The following PPP1R12A variants were observed in gnomAD, a reference collection of about 807,000 sequenced individuals.
PPP1R12A encodes the protein protein phosphatase 1 regulatory subunit 12A.
In PPP1R12A, 19 loss-of-function variants were observed where a neutral mutation model predicts 139.6. That is an observed-to-expected ratio of 0.14 (90% confidence interval 0.09 to 0.20). The LOEUF (loss-of-function observed/expected upper bound fraction) is 0.20. Among genes scored for constraint, PPP1R12A ranks in the 10% least tolerant of loss-of-function variants. PPP1R12A has a pLI of 1.00. For synonymous variants in PPP1R12A, 427 were observed against 420.6 expected (o/e 1.02, Z -0.19); for missense variants, 925 against 1,211.5 (o/e 0.76, Z 3.51).
At chr12:79,903,276 C>T (rs1885806447) in intron 1 of PPP1R12A, among the ~76,000 whole-genome samples, 1 of 151,976 alleles carries the variant, frequency 6.6e-6, no homozygotes, top group African/African-American at 2.4e-5. Flanking sequence ...CATTGTGAAA[C>T]CCCATCTCTA....
At chr12:79,925,261 CGTGT>C (rs146017455) in intron 1 of PPP1R12A, among the ~76,000 whole-genome samples, 18 of 149,544 alleles carry the variant, frequency 1.2e-4, no homozygotes, top group Non-Finnish European at 2.2e-4. Flanking sequence ...CATACGTGTA[CGTGT>C]GTGTGTGTGT....
chr12:79,778,734 G>A (rs1053212038), intron 23 of PPP1R12A, 134 bp from the exon 24 acceptor site: 1 of 504,848 alleles, frequency 2.0e-6, no homozygotes, highest in African/African-American at 1.9e-5. Context: ...TGATGCCAGT[G>A]ATATGTAAAG....
chr12:79,884,608 A>C (rs955486434), intron 1 of PPP1R12A, among the ~76,000 whole-genome samples: 1 of 152,154 alleles, frequency 6.6e-6, no homozygotes, highest in Non-Finnish European at 1.5e-5. Context: ...GAAAAACAAG[A>C]CTTGCTGACT....
At chr12:79,848,790 A>C (rs1019899589) in intron 2 of PPP1R12A, 1 of 152,142 alleles carries the variant, frequency 6.6e-6, no homozygotes, top group Non-Finnish European at 1.5e-5. Context: ...AATCTCACGG[A>C]CTGATTAATC....
intron 2 of PPP1R12A, among the ~76,000 whole-genome samples, chr12:79,857,391 A>G (rs867759623): frequency 8.4e-5 from 12 of 143,572 alleles, no homozygotes; most frequent in African/African-American, 3.0e-4. Context: ...ATGAGAACAT[A>G]TGGACACAGG....
chr12:79,914,872 C>T (rs1393948326), intron 1 of PPP1R12A, among the ~76,000 whole-genome samples: 1 of 151,748 alleles, frequency 6.6e-6, no homozygotes, highest in Non-Finnish European at 1.5e-5. Context: ...AAAAAAAAAT[C>T]TGGATTTGTT....
At chr12:79,810,844 T>C (rs1874436899) in intron 9 of PPP1R12A, among the ~76,000 whole-genome samples, 2 of 152,126 alleles carry the variant, frequency 1.3e-5, no homozygotes, top group African/African-American at 4.8e-5. Flanking sequence ...TCCAATATAA[T>C]CAACAAAAAC....
chr12:79,867,465 T>C (rs1882095938), intron 2 of PPP1R12A, among the ~76,000 whole-genome samples: 1 of 151,464 alleles, frequency 6.6e-6, no homozygotes, highest in Admixed American at 6.6e-5. Context: ...CTTAAAAGTA[T>C]AATACAAATA....
At chr12:79,830,936 G>C (rs1391741883) in intron 4 of PPP1R12A, among the ~76,000 whole-genome samples, 1 of 152,104 alleles carries the variant, frequency 6.6e-6, no homozygotes, top group Non-Finnish European at 1.5e-5. Flanking sequence ...AAGAATCTAT[G>C]TACTAAGTTA....
chr12:79,887,907 T>C (rs1884252104), intron 1 of PPP1R12A, among the ~76,000 whole-genome samples: 1 of 152,180 alleles, frequency 6.6e-6, no homozygotes, highest in South Asian at 2.1e-4. Flanking sequence ...GTCACTGAGT[T>C]ATTTCCCAAA....
intron 2 of PPP1R12A, among the ~76,000 whole-genome samples, chr12:79,847,168 T>G (rs760468156): frequency 1.3e-5 from 2 of 152,206 alleles, no homozygotes; most frequent in Non-Finnish European, 2.9e-5. Flanking sequence ...CATAAATTTA[T>G]ATGTGTGTAA....
intron 3 of PPP1R12A, among the ~76,000 whole-genome samples, chr12:79,833,333 T>C (rs1046518274): frequency 6.6e-6 from 1 of 151,980 alleles, no homozygotes; most frequent in Non-Finnish European, 1.5e-5. Flanking sequence ...TTCAAAGAGC[T>C]CAACACCTTG....
intron 19 of PPP1R12A, among the ~76,000 whole-genome samples, chr12:79,791,279 A>G (rs1871817733): frequency 6.6e-6 from 1 of 152,224 alleles, no homozygotes; most frequent in African/African-American, 2.4e-5. Flanking sequence ...AAGTCTAGTG[A>G]GAAATCACTC....
In PPP1R12A at chr12:79,781,822, T is replaced by C. The variant is rs1870484518; in HGVS notation, c.2948A>G (p.Glu983Gly). 1 of 1,531,508 alleles carries C rather than the reference T, an allele frequency of 6.5e-7. No homozygotes were observed. Among genetic ancestry groups the C allele is most frequent in the Non-Finnish European group, 8.8e-7 (1 of 1,132,796 alleles). The allele number at this position is 1,531,508 out of a possible 1,614,324, so 94.9% of individuals were successfully genotyped here. A position where few individuals can be genotyped will look rare whatever the true frequency, so the allele number is the denominator to read the frequency against. The change falls in exon 23 of 25, where the codon GAA becomes GGA. Residue 983 changes from glutamate (E) to glycine (G), a missense_variant. Coordinates refer to ENST00000450142, the MANE Select transcript of PPP1R12A (RefSeq NM_002480.3). Reference protein sequence around the residue: ...RFADRSLLEMEKRERRALERR... With the variant: ...RFADRSLLEMGKRERRALERR... ...AATAAGTGGGACACTTACCCTTTTT[T>C]CCATTTCCAACAGTGATCTATCAGC...
intron 8 of PPP1R12A, among the ~76,000 whole-genome samples, chr12:79,818,185 C>T (rs899467715): frequency 1.3e-5 from 2 of 152,180 alleles, no homozygotes; most frequent in African/African-American, 4.8e-5. Flanking sequence ...AATACCTTCA[C>T]TTGCAGTCTA....
intron 5 of PPP1R12A, 82 bp from the exon 6 acceptor site, chr12:79,822,272 T>TTTA (rs1876212139): frequency 9.9e-7 from 1 of 1,014,564 alleles, no homozygotes; most frequent in South Asian, 1.5e-5. Context: ...TATAATTTTA[T>TTTA]ATAAAGACGT....
intron 23 of PPP1R12A, chr12:79,779,442 T>C: frequency 3.1e-6 from 3 of 974,776 alleles, no homozygotes; most frequent in Non-Finnish European, 2.8e-6. Context: ...ATGCTGATAT[T>C]TAGTCAAGCA....
chr12:79,780,036 C>T (rs1870231828), intron 23 of PPP1R12A: 1 of 151,984 alleles, frequency 6.6e-6, no homozygotes, highest in Non-Finnish European at 1.5e-5. Context: ...GACCTTGTCT[C>T]CAAAAAGAAA....
chr12:79,850,330 T>A (rs1418136930), intron 2 of PPP1R12A, among the ~76,000 whole-genome samples: 2 of 152,174 alleles, frequency 1.3e-5, no homozygotes, highest in African/African-American at 4.8e-5. Flanking sequence ...TTGGTTGCAA[T>A]GTGAATATGG....
Sources: gnomAD v4.1 joint callset for allele counts (sites outside exome capture counted in the v4.1 genomes callset) on GRCh38, gnomAD v4.1.1 for gene constraint, MANE v1.5 for transcripts, NCBI Gene and HGNC (gene_info 2026-07-23, HGNC 2026-07-21) for gene names.